CFAP161: variants seen among roughly 807,000 people sequenced by gnomAD.
CFAP161 encodes cilia- and flagella-associated protein 161.
CFAP161 carries 25 observed loss-of-function variants against 29.0 expected under a neutral mutation model. The ratio of observed to expected loss-of-function variants is 0.86; its 90% CI spans 0.63 to 1.20. The LOEUF (loss-of-function observed/expected upper bound fraction) is 1.20. CFAP161 is among the 50% of genes most tolerant of loss of function. CFAP161 has a pLI of 0.00. For missense variants in CFAP161, 367 were observed against 371.9 expected (o/e 0.99, Z 0.11); for synonymous variants, 116 against 137.4 (o/e 0.84, Z 1.09).
intron 1 of CFAP161, among the ~76,000 whole-genome samples, chr15:81,116,310 T>C (rs571466647): frequency 4.0e-4 from 61 of 152,204 alleles, no homozygotes; most frequent in African/African-American, 1.3e-3. Flanking sequence ...AACAAATTTT[T>C]TGAGATGGAT....
At chr15:81,142,613 T>C (rs1450260681) in intron 4 of CFAP161, among the ~76,000 whole-genome samples, 1 of 152,154 alleles carries the variant, frequency 6.6e-6, no homozygotes, top group Non-Finnish European at 1.5e-5. Flanking sequence ...TGCTTCCCAT[T>C]TTTGTGCTCA....
At chr15:81,119,251 A>C (rs1388881581) in intron 1 of CFAP161, among the ~76,000 whole-genome samples, 1 of 152,222 alleles carries the variant, frequency 6.6e-6, no homozygotes, top group East Asian at 1.9e-4. Context: ...AAATCTGATG[A>C]AAGTTCCCAG....
intron 1 of CFAP161, among the ~76,000 whole-genome samples, chr15:81,122,729 G>A (rs915475533): frequency 6.6e-6 from 1 of 151,738 alleles, no homozygotes; most frequent in Non-Finnish European, 1.5e-5. Context: ...TGACCTCAAG[G>A]AATCTGCCTG....
At chr15:81,106,848 TTGAGCCC>T (rs1299798619) in intron 1 of CFAP161, among the ~76,000 whole-genome samples, 1 of 151,984 alleles carries the variant, frequency 6.6e-6, no homozygotes, top group African/African-American at 2.4e-5. Flanking sequence ...GGTGGATCAC[TTGAGCCC>T]AGGAGTTCAA....
intron 1 of CFAP161, among the ~76,000 whole-genome samples, chr15:81,110,805 A>G (rs1008530789): frequency 9.2e-5 from 14 of 152,346 alleles, no homozygotes; most frequent in Admixed American, 6.5e-4. Context: ...CCTTAGGCTC[A>G]TAGTCCTGTT....
chr15:81,130,387 C>T (rs187319215), upstream of CFAP161, among the ~76,000 whole-genome samples: 99 of 152,342 alleles, frequency 6.5e-4, 1 homozygote, highest in Admixed American at 5.8e-3. Flanking sequence ...ATGTTTTCCT[C>T]ACTCAGTTTA....
intron 1 of CFAP161, among the ~76,000 whole-genome samples, chr15:81,126,670 T>C (rs1365759114): frequency 1.3e-5 from 2 of 152,216 alleles, no homozygotes; most frequent in Non-Finnish European, 2.9e-5. Flanking sequence ...TTTATAAATA[T>C]TTATCTATTT....
At chr15:81,110,400 C>A (rs1894425807) in intron 1 of CFAP161, among the ~76,000 whole-genome samples, 1 of 152,156 alleles carries the variant, frequency 6.6e-6, no homozygotes, top group African/African-American at 2.4e-5. Context: ...CCCACTCCCT[C>A]CATCCCCTTT....
intron 1 of CFAP161, among the ~76,000 whole-genome samples, chr15:81,107,449 G>A (rs1894385975): frequency 6.6e-6 from 1 of 152,122 alleles, no homozygotes; most frequent in South Asian, 2.1e-4. Flanking sequence ...ACAGAGGCTG[G>A]GCACAGTGGC....
intron 2 of CFAP161, among the ~76,000 whole-genome samples, chr15:81,136,105 T>TA (rs1894804615): frequency 6.6e-6 from 1 of 152,250 alleles, no homozygotes; most frequent in Non-Finnish European, 1.5e-5. Flanking sequence ...TAACAGTTTT[T>TA]AAAAACAATT....
chr15:81,134,219 C>A, upstream of CFAP161: 1 of 1,312,268 alleles, frequency 7.6e-7, no homozygotes. Context: ...CGCTTATTGG[C>A]CAGCAGGGTC....
chr15:81,138,112 A>C lies in CFAP161; in HGVS notation c.454A>C (p.Thr152Pro). 6.2e-7 allele frequency: 1 copy of C among 1,612,900 alleles called. No individual in the cohort carries two copies. Among genetic ancestry groups the C allele is most frequent in the South Asian group, 1.1e-5 (1 of 91,070 alleles). Residue 152 changes from threonine to proline, a missense_variant, in exon 4 of 7, where the codon ACA (threonine) becomes CCA (proline). Transcript: ENST00000286732. ...TGGGCAGGACTTTTGCCTGGGGATAACAGGAGGATTTGACAACAAAATGGT... is the reference window on the plus strand; with the variant it reads ...TGGGCAGGACTTTTGCCTGGGGATACCAGGAGGATTTGACAACAAAATGGT... ...RYGQDFCLGITGGFDNKMLYL... is the reference protein window; with the variant it reads ...RYGQDFCLGIPGGFDNKMLYL...
intron 4 of CFAP161, among the ~76,000 whole-genome samples, chr15:81,142,498 C>G (rs982224703): frequency 6.6e-6 from 1 of 152,144 alleles, no homozygotes; most frequent in African/African-American, 2.4e-5. Flanking sequence ...GCCTCCTCCT[C>G]AGAGCCTCTT....
intron 1 of CFAP161, among the ~76,000 whole-genome samples, chr15:81,105,901 G>T (rs183831005): frequency 6.6e-6 from 1 of 152,332 alleles, no homozygotes; most frequent in African/African-American, 2.4e-5. Flanking sequence ...TCACTGATGT[G>T]GCAGGTGCTT....
At chr15:81,108,091 C>T (rs1007483625) in intron 1 of CFAP161, among the ~76,000 whole-genome samples, 20 of 152,138 alleles carry the variant, frequency 1.3e-4, no homozygotes, top group African/African-American at 4.6e-4. Flanking sequence ...AATGAGTCTG[C>T]CTTGATACCC....
At chr15:81,138,017 TTACATTTACATTA>T (rs771578834) in intron 3 of CFAP161, 21 bp from the exon 4 acceptor site, 2 of 1,476,366 alleles carry the variant, frequency 1.4e-6, no homozygotes, top group Non-Finnish European at 9.4e-7. Flanking sequence ...TACAGAGAGT[TTACATTTACATTA>T]TACTTATTGT....
In CFAP161 at chr15:81,134,364, T is replaced by G; in HGVS notation, c.35T>G (p.Ile12Arg). ...AACGTGTATGGTCCGGGAGTCCGGA[T>G]AGGCAACTGGAATGAGGATGTCTAC... ...AQNVYGPGVR[I>R]GNWNEDVYLE... Residue 12 changes from isoleucine to arginine, a missense_variant, in exon 1 of 7, where the codon ATA (isoleucine) becomes AGA (arginine). Transcript: ENST00000286732. 1 of 1,591,422 alleles carries G rather than the reference T, an allele frequency of 6.3e-7. No individual in the cohort carries two copies. The highest frequency in any genetic ancestry group is 1.3e-5 in the African/African-American group (1 of 74,928).
intron 1 of CFAP161, among the ~76,000 whole-genome samples, chr15:81,115,923 A>T (rs552083760): frequency 6.6e-6 from 1 of 151,280 alleles, no homozygotes; most frequent in Non-Finnish European, 1.5e-5. Flanking sequence ...CCTGGGCTCA[A>T]GCAATACTCC....
chr15:81,133,195 A>G (rs181610659), upstream of CFAP161, among the ~76,000 whole-genome samples: 94 of 43,050 alleles, frequency 2.2e-3, 4 homozygotes, highest in African/African-American at 6.5e-3. Context: ...ATATATATAT[A>G]TATATATATA....
Sources: gnomAD v4.1 joint callset for allele counts (sites outside exome capture counted in the v4.1 genomes callset) on GRCh38, gnomAD v4.1.1 for gene constraint, MANE v1.5 for transcripts, NCBI Gene and HGNC (gene_info 2026-07-23, HGNC 2026-07-21) for gene names.